Variants in HDAC7 observed in about 807,000 individuals in gnomAD.
The protein encoded by HDAC7 is histone deacetylase 7A.
In HDAC7, 26 loss-of-function variants were observed where a neutral mutation model predicts 115.5. The ratio of observed to expected loss-of-function variants is 0.23; its 90% confidence interval spans 0.16 to 0.31. HDAC7 has a LOEUF of 0.31. Among genes scored for constraint, HDAC7 ranks in the 10% least tolerant of loss-of-function variants. HDAC7 has a pLI of 1.00. For missense variants in HDAC7, 1,068 were observed against 1,329.0 expected, an observed-to-expected ratio of 0.80 and a Z score of 3.05; for synonymous variants, 564 against 550.9, an observed-to-expected ratio of 1.02 and a Z score of -0.33.
intron 2 of HDAC7, among the ~76,000 whole-genome samples, chr12:47,799,865 G>A (rs1009641272): frequency 6.6e-6 from 1 of 152,210 alleles, no homozygotes; most frequent in South Asian, 2.1e-4. Context: ...CTGTTGCAGC[G>A]GGCTTATCCT....
In HDAC7 at chr12:47,782,946, G is replaced by A. The variant is rs1303774377; in HGVS notation, c.*895C>T. On this transcript the variant is annotated 3_prime_UTR_variant, in exon 26 of 26. Transcript: ENST00000080059. ...CCCAAAAGCCTTGAAGACTTTGCCA[G>A]AGCAGCCTCCCCTCCTCCATGTCTG... 1 of 152,830 alleles carries A rather than the reference G, an allele frequency of 6.5e-6. No individual in the cohort carries two copies. The highest frequency in any genetic ancestry group is 1.5e-5 in the Non-Finnish European group (1 of 68,146). 9.5% of individuals were successfully genotyped at this position (152,830 alleles called of 1,614,324 possible).
chr12:47,798,022 AG>A lies in HDAC7; in HGVS notation c.461+85del. ...TGGTTGTGGCAACTGGGGAGGAAGG[AG>A]GCAAGTGTGTGTGCTCATGGCTAAC... is the stretch of plus-strand genomic sequence containing the variant. On this transcript the variant is annotated intron_variant, in intron 5 of 25. Coordinates refer to ENST00000080059, the MANE Select transcript of HDAC7 (RefSeq NM_015401.5). This position sits in a 1 kb window ranked among gnomAD's most constrained non-coding sequence, Gnocchi z 4.3. 1 of 903,338 alleles carries A rather than the reference AG, an allele frequency of 1.1e-6. No homozygotes were observed. The highest frequency in any genetic ancestry group is 1.9e-5 in the Admixed American group (1 of 52,734). The allele number at this position is 903,338 out of a possible 1,614,324, so 56.0% of individuals were successfully genotyped here. A position where few individuals can be genotyped will look rare whatever the true frequency, so the allele number is the denominator to read the frequency against.
intron 22 of HDAC7, 111 bp from the exon 23 acceptor site, chr12:47,785,996 G>A: frequency 9.2e-7 from 1 of 1,085,272 alleles, no homozygotes; most frequent in Non-Finnish European, 1.3e-6. Flanking sequence ...TGACTCACAT[G>A]TATCAATCAC....
At chr12:47,796,526 C>T (rs1220041843) in intron 7 of HDAC7, among the ~76,000 whole-genome samples, 3 of 151,494 alleles carry the variant, frequency 2.0e-5, no homozygotes, top group East Asian at 1.9e-4. Flanking sequence ...TGGGTTCAAG[C>T]GATTCTCCTG....
rs150532318 is a variant in HDAC7, at chr12:47,791,989, G to A, written c.1694C>T (p.Ser565Leu). Residue 565 changes from serine (S) to leucine (L), a missense_variant, in exon 14 of 26, where the codon TCG becomes TTG. Ser to Leu is a moderately radical substitution (Grantham distance 145, BLOSUM62 -2). Transcript: ENST00000080059. ...LPFTTGLIYD[S>L]VMLKHQCSCG... is the part of the protein sequence containing the mutation. The stretch of plus-strand genomic sequence containing the variant: ...GGAGCACTGGTGCTTCAGCATGACC[G>A]AGTCATAGATCAGCCCTGCAGGAGC... The A allele has an allele frequency of 2.3e-4, 375 of 1,609,848 alleles. No homozygotes were observed. The highest frequency in any genetic ancestry group is 3.0e-4 in the Non-Finnish European group (348 of 1,177,894).
chr12:47,783,552 G>A lies in HDAC7; in HGVS notation c.*289C>T, dbSNP rs1325744957. The A allele has an allele frequency of 4.2e-6, 2 of 479,400 alleles. No homozygotes were observed. The highest frequency in any genetic ancestry group is 3.9e-5 in the African/African-American group (2 of 51,022). The allele number at this position is 479,400 out of a possible 1,614,324, so 29.7% of individuals were successfully genotyped here. A position where few individuals can be genotyped will look rare whatever the true frequency, so the allele number is the denominator to read the frequency against. ...CAGTCCTCCTCTGTGCAGTCCTGAGGAATGGGGGCCACAGCCAGGGCCCAT... is the reference window on the plus strand; with the variant it reads ...CAGTCCTCCTCTGTGCAGTCCTGAGAAATGGGGGCCACAGCCAGGGCCCAT... On this transcript the variant is annotated 3_prime_UTR_variant, in exon 26 of 26. Coordinates refer to ENST00000080059, the MANE Select transcript of HDAC7 (RefSeq NM_015401.5).
At chr12:47,791,193 G>A (rs1275914361) in intron 16 of HDAC7, 66 bp downstream of exon 16, 1 of 1,439,154 alleles carries the variant, frequency 6.9e-7, no homozygotes, top group South Asian at 1.2e-5. Context: ...CTGGGCCTGG[G>A]AGAACCACAG....
At chr12:47,805,023 C>A (rs947970324) in intron 1 of HDAC7, among the ~76,000 whole-genome samples, 2 of 151,978 alleles carry the variant, frequency 1.3e-5, no homozygotes, top group Admixed American at 6.6e-5. Context: ...TCCCCAGGAG[C>A]ACTGCCACCT....
intron 16 of HDAC7, chr12:47,790,542 C>A (rs1361017815): frequency 1.3e-5 from 2 of 155,528 alleles, no homozygotes; most frequent in South Asian, 2.0e-4. Flanking sequence ...GTTGGAAAAA[C>A]CAGAAAGTGG....
chr12:47,794,857 C>T lies in HDAC7; in HGVS notation c.1361G>A (p.Gly454Glu), dbSNP rs764275489. 2 of 1,613,370 alleles carry T rather than the reference C, an allele frequency of 1.2e-6. No individual in the cohort carries two copies. The highest frequency in any genetic ancestry group is 1.7e-6 in the Non-Finnish European group (2 of 1,179,982). The change falls in exon 12 of 26, where the codon GGA becomes GAA. Residue 454 changes from glycine to glutamate, a missense_variant. Gly to Glu is a moderately conservative substitution (Grantham distance 98, BLOSUM62 -2). Transcript: ENST00000080059. ...GCCATCGTCCACCACCTGGCCCGGT[C>T]CCCCGCCATCTGTCTCCAGGTCTTC... ...SAEDLETDGG[G>E]PGQVVDDGLE...
chr12:47,803,566 T>C lies in HDAC7; in HGVS notation c.20-1292A>G, dbSNP rs141095979. Among the ~76,000 whole-genome samples, 880 of 152,228 alleles carry C rather than the reference T, an allele frequency of 5.8e-3. 7 individuals are homozygous for C. Among genetic ancestry groups the C allele is most frequent in the African/African-American group, 0.02 (842 of 41,532 alleles). ...TGAGGTCCAGCCCAAGTCCATCTCC[T>C]TGGGAGGCTCTCCCTGACCTCTCCC... On this transcript the variant is annotated intron_variant, in intron 1 of 25. Coordinates refer to ENST00000080059, the MANE Select transcript of HDAC7 (RefSeq NM_015401.5). This position sits in a 1 kb window ranked among gnomAD's most constrained non-coding sequence, Gnocchi z 4.0.
At position 47,797,504 on chromosome 12, in the gene HDAC7, A is replaced by G; in HGVS notation, c.462-5T>C. ...GTCTCCAGGGGCTCCAGGGTTCTAC[A>G]GAACGAGTGCCAAGGCTGCTTCAGA... On this transcript the variant is annotated splice_region_variant and splice_polypyrimidine_tract_variant and intron_variant, in intron 5 of 25. Transcript: ENST00000080059. This position sits in a 1 kb window ranked among gnomAD's most constrained non-coding sequence, Gnocchi z 5.5. The G allele has an allele frequency of 1.9e-6, 3 of 1,604,444 alleles. No individual in the cohort carries two copies. Among genetic ancestry groups the G allele is most frequent in the Non-Finnish European group, 1.7e-6 (2 of 1,174,028 alleles).
intron 24 of HDAC7, 181 bp from the exon 25 acceptor site, chr12:47,784,398 C>G: frequency 3.0e-6 from 2 of 660,188 alleles, no homozygotes; most frequent in Non-Finnish European, 5.1e-6. Context: ...TCCCGCACAG[C>G]CTGACAGGGT....
At chr12:47,819,217 TC>T (rs1944941926) in intron 1 of HDAC7, 1 of 152,404 alleles carries the variant, frequency 6.6e-6, no homozygotes, top group African/African-American at 2.4e-5. Context: ...GGGACCTCTT[TC>T]CCCGCCGAAG....
Position 47,797,110 on chromosome 12 carries a change from G to C in HDAC7, c.610C>G (p.Pro204Ala). ...TTCCTCCGCTCCAGGGACTTCTTGGGCTTATAGCGCAGCTTCAGGTTGGGC... is the reference window on the plus strand; with the variant it reads ...TTCCTCCGCTCCAGGGACTTCTTGGCCTTATAGCGCAGCTTCAGGTTGGGC... ...SEPNLKLRYK[P>A]KKSLERRKNP... Residue 204 changes from proline (P) to alanine (A), a missense_variant, in exon 7 of 26, where the codon CCC becomes GCC. By Grantham distance (27) the Pro-to-Ala change is conservative. Around this residue, in one of 6 missense-constraint regions of HDAC7, gnomAD observed 618 missense variants for 701.5 expected, o/e 0.88. Transcript: ENST00000080059. The surrounding 1 kb of genome is among the most constrained non-coding windows in gnomAD (Gnocchi z 5.5). 1 of 1,606,694 alleles carries C rather than the reference G, an allele frequency of 6.2e-7. No homozygotes were observed. The highest frequency in any genetic ancestry group is 8.5e-7 in the Non-Finnish European group (1 of 1,176,702).
chr12:47,808,641 C>G (rs1313513397), intron 1 of HDAC7, among the ~76,000 whole-genome samples: 1 of 152,202 alleles, frequency 6.6e-6, no homozygotes, highest in Non-Finnish European at 1.5e-5. Context: ...CGGGACCTCT[C>G]GGGCCACCAC....
intron 1 of HDAC7, chr12:47,817,787 C>T (rs1944890255): frequency 6.6e-6 from 1 of 152,258 alleles, no homozygotes; most frequent in South Asian, 2.1e-4. Context: ...AGATGGGGTT[C>T]CACAGGCTTC....
chr12:47,789,945 G>A (rs765829606), intron 16 of HDAC7, 25 bp from the exon 17 acceptor site: 14 of 1,542,724 alleles, frequency 9.1e-6, no homozygotes, highest in East Asian at 4.5e-5. Flanking sequence ...GTCAGGGCCC[G>A]CATCATCCAA....
rs767922872 is a variant in HDAC7 at position 47,798,156 on chromosome 12, G to A, written c.413C>T (p.Ala138Val). The change falls in exon 5 of 26, where the codon GCG becomes GTG. Residue 138 changes from alanine to valine, a missense_variant. By Grantham distance (64) the Ala-to-Val change is moderately conservative (BLOSUM62 0). Around this residue, in one of 6 missense-constraint regions of HDAC7, gnomAD observed 618 missense variants for 701.5 expected, o/e 0.88. Transcript: ENST00000080059. This position sits in a 1 kb window ranked among gnomAD's most constrained non-coding sequence, Gnocchi z 4.3. The part of the protein sequence containing the change: ...LAEVILKKQQ[A>V]ALERTVHPNS... ...GGGATGGACTGTTCTTTCTAGGGCC[G>A]CCTGCTGTTTTTTCAGAATCACCTC... 6.2e-6 allele frequency: 10 copies of A among 1,613,700 alleles called. No individual in the cohort carries two copies. In the East Asian group the frequency reaches 6.7e-5, roughly 11 times the overall value.
Sources: allele counts gnomAD v4.1 joint callset (sites outside exome capture counted in the v4.1 genomes callset), GRCh38; gene constraint gnomAD v4.1.1; regional missense constraint gnomAD v4.1.1; non-coding constraint Gnocchi (gnomAD v3.1); transcripts MANE v1.5; gene names NCBI Gene and HGNC (gene_info 2026-07-23, HGNC 2026-07-21).